MOB4: variants seen among roughly 807,000 people sequenced by gnomAD.
The protein encoded by MOB4 is MOB-like protein phocein.
MOB4 carries 4 observed loss-of-function variants against 32.2 expected under a neutral mutation model. That is an observed-to-expected ratio of 0.12 (90% CI 0.06 to 0.28). The LOEUF (loss-of-function observed/expected upper bound fraction) is 0.28, where lower values mean the gene tolerates loss of function less well. Among genes scored for constraint, MOB4 ranks in the 10% least tolerant of loss-of-function variants. The pLI is 1.00. For synonymous variants in MOB4, 88 were observed against 88.1 expected, an observed-to-expected ratio of 1.00 and a Z score of 0.01; for missense variants, 158 against 271.2, an observed-to-expected ratio of 0.58 and a Z score of 2.93.
chr2:197,527,344 G>A lies in MOB4; in HGVS notation c.123+3658G>A, dbSNP rs541450717. On this transcript the variant is annotated intron_variant, in intron 2 of 7. Coordinates refer to ENST00000323303, the MANE Select transcript of MOB4 (RefSeq NM_015387.5). ...TTGCAGCAATGTTTTGTAGTTTTCC[G>A]TCTGCAAAAAATTTTATCTCCTTAT... 2.1e-4 allele frequency among the ~76,000 whole-genome samples: 32 copies of A among 151,436 alleles called. No homozygotes were observed. In the East Asian group the frequency reaches 3.1e-3, roughly 15 times the overall value.
chr2:197,552,265 T>A lies in MOB4; in HGVS notation c.*1619T>A, dbSNP rs2087111173. ...TTCACAGTGAAAGGAATGATGACTT[T>A]GAAATTATGGATTTATATTAATGGC... On this transcript the variant is annotated 3_prime_UTR_variant, in exon 8 of 8. Coordinates refer to ENST00000323303, the MANE Select transcript of MOB4 (RefSeq NM_015387.5). 6.6e-6 allele frequency: 1 copy of A among 152,338 alleles called. No homozygotes were observed. Among genetic ancestry groups the A allele is most frequent in the Non-Finnish European group, 1.5e-5 (1 of 68,038 alleles). The allele number at this position is 152,338 out of a possible 1,614,324, so 9.4% of individuals were successfully genotyped here.
intron 3 of MOB4, among the ~76,000 whole-genome samples, chr2:197,539,424 T>G (rs2086859281): frequency 6.6e-6 from 1 of 151,040 alleles, no homozygotes; most frequent in Non-Finnish European, 1.5e-5. Context: ...GTTCAAGCAG[T>G]TCTCCCTCCT....
intron 3 of MOB4, among the ~76,000 whole-genome samples, chr2:197,539,214 G>A (rs1235219921): frequency 6.6e-6 from 1 of 151,802 alleles, no homozygotes; most frequent in Admixed American, 6.6e-5. Flanking sequence ...GAGGGAACAC[G>A]TTCAGTGTTT....
chr2:197,541,435 G>A (rs948784360), intron 5 of MOB4, among the ~76,000 whole-genome samples: 2 of 152,170 alleles, frequency 1.3e-5, no homozygotes, highest in Admixed American at 1.3e-4. Flanking sequence ...TCATTATATT[G>A]ATAGACTTCT....
At chr2:197,550,173 C>A in intron 6 of MOB4, 102 bp from the exon 7 acceptor site, 3 of 1,045,312 alleles carry the variant, frequency 2.9e-6, no homozygotes, top group Non-Finnish European at 2.7e-6. Flanking sequence ...CGCTTATTTT[C>A]CCTAGGTGTC....
chr2:197,535,178 G>A (rs2086776287), intron 2 of MOB4, among the ~76,000 whole-genome samples: 1 of 149,602 alleles, frequency 6.7e-6, no homozygotes, highest in African/African-American at 2.5e-5. Context: ...ATCTGAGATT[G>A]TGCCACTGTA....
intron 2 of MOB4, among the ~76,000 whole-genome samples, chr2:197,533,649 C>T (rs1040386997): frequency 6.1e-5 from 9 of 148,006 alleles, no homozygotes; most frequent in Non-Finnish European, 1.0e-4. Flanking sequence ...CGCTTGAACC[C>T]GGCAGGCGGA....
chr2:197,535,737 C>T lies in MOB4; in HGVS notation c.224+107C>T, dbSNP rs1399018528. The T allele has an allele frequency of 3.9e-6, 5 of 1,292,472 alleles. No individual in the cohort carries two copies. The Admixed American group carries it at 7.6e-5, about 20-fold the overall frequency. 80.1% of individuals were successfully genotyped at this position (1,292,472 alleles called of 1,614,324 possible). On this transcript the variant is annotated intron_variant, in intron 3 of 7. Transcript: ENST00000323303. ...TACTATGTAACTGCAGACTAAGAAG[C>T]CAAATTTTAAAGCTTTGGCATTTTC...
intron 1 of MOB4, among the ~76,000 whole-genome samples, chr2:197,523,246 C>T (rs957574567): frequency 4.0e-5 from 6 of 151,830 alleles, no homozygotes; most frequent in East Asian, 3.9e-4. Context: ...TTGGAAAAAA[C>T]GTAATTTATA....
intron 2 of MOB4, among the ~76,000 whole-genome samples, chr2:197,534,393 CT>C (rs1373308349): frequency 2.0e-5 from 3 of 150,906 alleles, no homozygotes; most frequent in Admixed American, 6.6e-5. Flanking sequence ...CCTCCCTTGC[CT>C]TTTTTTTTAA....
At chr2:197,520,340 C>T (rs968723453) in intron 1 of MOB4, among the ~76,000 whole-genome samples, 4 of 152,002 alleles carry the variant, frequency 2.6e-5, no homozygotes, top group East Asian at 1.9e-4. Context: ...GGGGTTTCAC[C>T]GTGTTAGCCA....
chr2:197,539,405 G>A (rs931945174), intron 3 of MOB4, among the ~76,000 whole-genome samples: 3 of 144,250 alleles, frequency 2.1e-5, no homozygotes, highest in African/African-American at 7.8e-5. Context: ...TGCAACCTCC[G>A]ACTCCCAGGT....
At chr2:197,518,287 G>A (rs1194074517) in intron 1 of MOB4, among the ~76,000 whole-genome samples, 1 of 150,528 alleles carries the variant, frequency 6.6e-6, no homozygotes, top group African/African-American at 2.4e-5. Flanking sequence ...TTTTTCTTGA[G>A]ACAGAGTTTC....
intron 4 of MOB4, 42 bp from the exon 5 acceptor site, chr2:197,540,309 A>T (rs1331483085): frequency 1.3e-6 from 2 of 1,482,576 alleles, no homozygotes; most frequent in South Asian, 1.4e-5. Flanking sequence ...AAGCTTTTTC[A>T]TTATTATTTT....
chr2:197,532,634 C>T (rs1478782921), intron 2 of MOB4, among the ~76,000 whole-genome samples: 3 of 151,664 alleles, frequency 2.0e-5, no homozygotes, highest in Non-Finnish European at 2.9e-5. Flanking sequence ...TGCAGTGAGC[C>T]GAGATAGCGC....
intron 2 of MOB4, among the ~76,000 whole-genome samples, chr2:197,535,159 A>G (rs1246922869): frequency 6.7e-6 from 1 of 149,242 alleles, no homozygotes; most frequent in Non-Finnish European, 1.5e-5. Flanking sequence ...GGAGGTGGAT[A>G]TTGCAGTGAT....
chr2:197,539,768 C>T (rs1183623673), intron 3 of MOB4, among the ~76,000 whole-genome samples: 3 of 152,142 alleles, frequency 2.0e-5, no homozygotes, highest in Non-Finnish European at 4.4e-5. Flanking sequence ...TATTTCATTA[C>T]AATAGATTCT....
chr2:197,550,132 G>T, intron 6 of MOB4, 143 bp from the exon 7 acceptor site: 1 of 619,432 alleles, frequency 1.6e-6, no homozygotes, highest in East Asian at 2.9e-5. Flanking sequence ...GGGGCTCCAG[G>T]CATTTACTCG....
chr2:197,542,229 A>G (rs531934462), intron 5 of MOB4, among the ~76,000 whole-genome samples: 1 of 152,370 alleles, frequency 6.6e-6, no homozygotes, highest in Non-Finnish European at 1.5e-5. Flanking sequence ...CAGGATAGTC[A>G]TTAGCATTAA....
Sources: allele counts gnomAD v4.1 joint callset (sites outside exome capture counted in the v4.1 genomes callset), GRCh38; gene constraint gnomAD v4.1.1; transcripts MANE v1.5; gene names NCBI Gene and HGNC (gene_info 2026-07-23, HGNC 2026-07-21).